LSR: variants seen among roughly 807,000 people sequenced by gnomAD.
LSR encodes lipolysis stimulated lipoprotein receptor.
LSR carries 44 observed loss-of-function variants against 61.8 expected under a neutral mutation model. That is an observed-to-expected ratio of 0.71 (90% confidence interval 0.56 to 0.91). The LOEUF is 0.91. Among genes scored for constraint, LSR ranks in the 40% least tolerant of loss-of-function variants. LSR has a pLI of 0.00. For missense variants in LSR, 911 were observed against 830.5 expected (o/e 1.10, Z -1.19); for synonymous variants, 397 against 350.6 (o/e 1.13, Z -1.48).
At position 35,267,578 on chromosome 19, in the gene LSR, T is replaced by G. The variant is rs762214782; in HGVS notation, c.1614T>G (p.Tyr538Ter). Reference sequence around the variant, plus strand: ...GCTCCAGGTCCGGGGACCTCCCCTATGATGGGCGGCTACTGGAGGAGGCTG... The same window carrying G: ...GCTCCAGGTCCGGGGACCTCCCCTAGGATGGGCGGCTACTGGAGGAGGCTG... ...DNGSRSGDLP[Y>*]DGRLLEEAVR... The change falls in exon 9 of 10, where the codon TAT (tyrosine) becomes TAG (stop). Residue 538 changes from tyrosine to a stop codon, truncating the protein, a stop_gained. Transcript: ENST00000605618. LOFTEE classifies it high-confidence loss of function. 11 of 1,612,200 alleles carry G rather than the reference T, an allele frequency of 6.8e-6. No individual in the cohort carries two copies. Among genetic ancestry groups the G allele is most frequent in the Non-Finnish European group, 9.3e-6 (11 of 1,179,694 alleles).
chr19:35,250,092 A>G (rs1057270470), intron 1 of LSR, among the ~76,000 whole-genome samples: 30 of 152,142 alleles, frequency 2.0e-4, no homozygotes, highest in African/African-American at 7.2e-4. Context: ...GTCCAAGGAA[A>G]CTGGCCGTGT....
chr19:35,249,138 G>A lies in LSR; in HGVS notation c.109+7G>A, dbSNP rs752684176. ...CTTAGCACCTGGTGCACAGGTACGG[G>A]GCACGGGGCCTCTGACGCTGCGGAA... is the stretch of plus-strand genomic sequence containing the variant. On this transcript the variant is annotated splice_region_variant and intron_variant, in intron 1 of 9. Coordinates refer to ENST00000605618, the MANE Select transcript of LSR (RefSeq NM_205834.4). 86 of 1,528,250 alleles carry A rather than the reference G, an allele frequency of 5.6e-5. No homozygotes were observed. Among genetic ancestry groups the A allele is most frequent in the Non-Finnish European group, 7.4e-5 (84 of 1,142,128 alleles). The allele number at this position is 1,528,250 out of a possible 1,614,324, so 94.7% of individuals were successfully genotyped here.
chr19:35,259,759 G>C (rs368745939), intron 3 of LSR, among the ~76,000 whole-genome samples: 6 of 152,126 alleles, frequency 3.9e-5, no homozygotes, highest in East Asian at 3.9e-4. Context: ...CGAGTCCCTC[G>C]CCAAAGCACA....
At chr19:35,258,876 T>A in intron 2 of LSR, 69 bp from the exon 3 acceptor site, 1 of 1,603,830 alleles carries the variant, frequency 6.2e-7, no homozygotes. Context: ...TGGGAAGGGG[T>A]CTTTGGCCCT....
Position 35,267,573 on chromosome 19 carries a change from C to T in LSR, c.1609C>T (p.Pro537Ser). ...CAACGGCTCCAGGTCCGGGGACCTCCCCTATGATGGGCGGCTACTGGAGGA... is the reference window on the plus strand; with the variant it reads ...CAACGGCTCCAGGTCCGGGGACCTCTCCTATGATGGGCGGCTACTGGAGGA... ...RDNGSRSGDL[P>S]YDGRLLEEAV... The change falls in exon 9 of 10, where the codon CCC becomes TCC. Residue 537 changes from proline (P) to serine (S), a missense_variant. Coordinates refer to ENST00000605618, the MANE Select transcript of LSR (RefSeq NM_205834.4). The T allele has an allele frequency of 6.2e-7, 1 of 1,612,404 alleles. No homozygotes were observed. The highest frequency in any genetic ancestry group is 8.5e-7 in the Non-Finnish European group (1 of 1,179,794).
At chr19:35,257,132 C>T (rs2065865995) in intron 2 of LSR, among the ~76,000 whole-genome samples, 1 of 152,184 alleles carries the variant, frequency 6.6e-6, no homozygotes, top group Non-Finnish European at 1.5e-5. Context: ...GCCACCATGT[C>T]CGGCCAAGAG....
intron 2 of LSR, among the ~76,000 whole-genome samples, chr19:35,254,639 G>A (rs754563098): frequency 5.3e-5 from 8 of 152,116 alleles, no homozygotes; most frequent in African/African-American, 1.9e-4. Flanking sequence ...TCACCTTTGC[G>A]GTGTATAAAG....
Position 35,250,573 on chromosome 19 carries a change from G to A in LSR, c.368G>A (p.Arg123His), listed in dbSNP as rs541292404. 1.5e-5 allele frequency: 24 copies of A among 1,613,162 alleles called. 1 individual carries two copies. The highest frequency in any genetic ancestry group is 5.5e-5 in the South Asian group (5 of 91,004). The change falls in exon 2 of 10, where the codon CGC becomes CAC. Residue 123 changes from arginine to histidine, a missense_variant. Arg to His is a conservative substitution (Grantham distance 29, BLOSUM62 0). Transcript: ENST00000605618. ...TACGTTGAGTGCCAGGACAGCGTGC[G>A]CACCGTCAGGGTCGTGGCCACCAAG... ...NPYVECQDSV[R>H]TVRVVATKQG... is the part of the protein sequence containing the mutation.
intron 4 of LSR, among the ~76,000 whole-genome samples, chr19:35,262,208 C>G (rs76968119): frequency 6.6e-6 from 1 of 152,186 alleles, no homozygotes; most frequent in Admixed American, 6.5e-5. Flanking sequence ...TGACTGGCAC[C>G]TGCGGTGCTC....
At position 35,250,599 on chromosome 19, in the gene LSR, C is replaced by G; in HGVS notation, c.394C>G (p.Gln132Glu). 1 of 1,606,522 alleles carries G rather than the reference C, an allele frequency of 6.2e-7. No homozygotes were observed. Among genetic ancestry groups the G allele is most frequent in the Non-Finnish European group, 8.5e-7 (1 of 1,174,594 alleles). Residue 132 changes from glutamine to glutamate, a missense_variant, in exon 2 of 10, where the codon CAG (glutamine) becomes GAG (glutamate). Gln to Glu is a conservative substitution (Grantham distance 29). Transcript: ENST00000605618. ...VRTVRVVATKQGNAVTLGDYY... is the reference protein window; with the variant it reads ...VRTVRVVATKEGNAVTLGDYY... ...CACCGTCAGGGTCGTGGCCACCAAG[C>G]AGGGCAACGCTGTGACCCTGGGAGA...
intron 3 of LSR, chr19:35,259,269 A>C: frequency 7.7e-6 from 4 of 522,392 alleles, no homozygotes; most frequent in South Asian, 2.6e-5. Flanking sequence ...AGTGCCTCCA[A>C]TCACCCAAGC....
intron 2 of LSR, among the ~76,000 whole-genome samples, chr19:35,250,946 C>T (rs2065786527): frequency 6.6e-6 from 1 of 152,088 alleles, no homozygotes; most frequent in Non-Finnish European, 1.5e-5. Flanking sequence ...CAGGTGCGTG[C>T]CACCACGCCC....
Position 35,267,583 on chromosome 19 carries a change from G to A in LSR, c.1619G>A (p.Gly540Glu), listed in dbSNP as rs767286690. Residue 540 changes from glycine to glutamate, a missense_variant, in exon 9 of 10, where the codon GGG (glycine) becomes GAG (glutamate). Transcript: ENST00000605618. ...GSRSGDLPYD[G>E]RLLEEAVRKK... ...AGGTCCGGGGACCTCCCCTATGATG[G>A]GCGGCTACTGGAGGAGGCTGTGAGG... is the stretch of plus-strand genomic sequence containing the variant. 2 of 1,612,110 alleles carry A rather than the reference G, an allele frequency of 1.2e-6. No individual in the cohort carries two copies. The highest frequency in any genetic ancestry group is 2.2e-5 in the East Asian group (1 of 44,876).
intron 2 of LSR, among the ~76,000 whole-genome samples, chr19:35,251,169 G>A (rs757097730): frequency 2.0e-5 from 3 of 152,020 alleles, no homozygotes; most frequent in Non-Finnish European, 2.9e-5. Flanking sequence ...TTGAGTACCT[G>A]TCATATACCA....
In LSR at chr19:35,250,466, C is replaced by T. The variant is rs780700125; in HGVS notation, c.261C>T (p.Arg87=). 3 of 1,613,996 alleles carry T rather than the reference C, an allele frequency of 1.9e-6. No homozygotes were observed. The highest frequency in any genetic ancestry group is 2.5e-6 in the Non-Finnish European group (3 of 1,180,012). Reference sequence around the variant, plus strand: ...AGTACAAGTCTTTCTGCCGGGACCGCATCGCCGATGCCTTCTCCCCGGCCA... The same window carrying T: ...AGTACAAGTCTTTCTGCCGGGACCGTATCGCCGATGCCTTCTCCCCGGCCA... The part of the protein sequence containing the change: ...IWKYKSFCRD[R]IADAFSPASV... Residue 87 remains arginine (R), a synonymous_variant, in exon 2 of 10, where the codon CGC becomes CGT. Transcript: ENST00000605618.
rs2065755465 is a variant in LSR at position 35,249,082 on chromosome 19, C to T, written c.60C>T (p.Gly20=). 1 of 1,559,712 alleles carries T rather than the reference C, an allele frequency of 6.4e-7. No individual in the cohort carries two copies. Among genetic ancestry groups the T allele is most frequent in the Non-Finnish European group, 8.7e-7 (1 of 1,153,738 alleles). Reference sequence around the variant, plus strand: ...TGGGCTCCCACCCGGCCGCCGCAGGCCGGGACGCGGTCGTCTTCGTGTGGC... The same window carrying T: ...TGGGCTCCCACCCGGCCGCCGCAGGTCGGGACGCGGTCGTCTTCGTGTGGC... ...RGLGSHPAAA[G]RDAVVFVWLL... The change falls in exon 1 of 10, where the codon GGC becomes GGT. Residue 20 remains glycine, a synonymous_variant. Transcript: ENST00000605618.
At chr19:35,265,958 C>T (rs1381750490) in intron 5 of LSR, among the ~76,000 whole-genome samples, 2 of 152,294 alleles carry the variant, frequency 1.3e-5, no homozygotes, top group East Asian at 3.9e-4. Context: ...GCTTTGTTGC[C>T]CTGTAAACAC....
Position 35,267,888 on chromosome 19 carries a change from T to G in LSR, c.*29T>G. 1 of 1,580,660 alleles carries G rather than the reference T, an allele frequency of 6.3e-7. No homozygotes were observed. The highest frequency in any genetic ancestry group is 8.7e-7 in the Non-Finnish European group (1 of 1,155,874). ...GACGTTTTCTACGTAGCTTTTGTAT[T>G]TTTTTTTTTAATTTGAAGGAACACT... is the stretch of plus-strand genomic sequence containing the variant. On this transcript the variant is annotated 3_prime_UTR_variant, in exon 10 of 10. Transcript: ENST00000605618.
chr19:35,252,347 A>T (rs2065804717), intron 2 of LSR, among the ~76,000 whole-genome samples: 1 of 151,968 alleles, frequency 6.6e-6, no homozygotes, highest in Non-Finnish European at 1.5e-5. Context: ...CAGATAAAGA[A>T]AGAGTATGAG....
Sources: gnomAD v4.1 joint callset for allele counts (sites outside exome capture counted in the v4.1 genomes callset) on GRCh38, gnomAD v4.1.1 for gene constraint, MANE v1.5 for transcripts, NCBI Gene and HGNC (gene_info 2026-07-23, HGNC 2026-07-21) for gene names.